Variants in ATP10B observed in about 807,000 individuals in gnomAD.
ATP10B encodes ATPase phospholipid transporting 10B (putative).
A neutral mutation model predicts 141.2 loss-of-function variants in ATP10B; 122 were observed. The ratio of observed to expected loss-of-function variants is 0.86; its 90% CI spans 0.75 to 1.00. The LOEUF is 1.00. Ranked by LOEUF, ATP10B falls within the 50% of genes least tolerant of loss-of-function variation. The probability of loss-of-function intolerance (pLI) is 0.00; values close to 1 mark genes in which losing one functional copy is unlikely to be tolerated. For synonymous variants in ATP10B, 685 were observed against 692.0 expected, an observed-to-expected ratio of 0.99 and a Z score of 0.16; for missense variants, 1,876 against 1,825.3, an observed-to-expected ratio of 1.03 and a Z score of -0.51.
At chr5:160,845,142 C>T (rs1776045150) in intron 1 of ATP10B, among the ~76,000 whole-genome samples, 1 of 152,134 alleles carries the variant, frequency 6.6e-6, no homozygotes. Flanking sequence ...AACTGAACTA[C>T]TATGGGCTAT....
At chr5:160,769,456 A>G (rs1282478945) in intron 2 of ATP10B, among the ~76,000 whole-genome samples, 1 of 152,218 alleles carries the variant, frequency 6.6e-6, no homozygotes, top group East Asian at 1.9e-4. Flanking sequence ...TGCACTGGTA[A>G]TCGCCACATA....
At chr5:160,760,901 C>A (rs1035054288) in intron 2 of ATP10B, among the ~76,000 whole-genome samples, 2 of 148,210 alleles carry the variant, frequency 1.3e-5, no homozygotes, top group Non-Finnish European at 3.0e-5. Flanking sequence ...GACCCACCTA[C>A]CCTCCCCGAA....
chr5:160,888,617 G>C, the ATP10B span, among the ~76,000 whole-genome samples: 1 of 152,172 alleles, frequency 6.6e-6, no homozygotes, highest in African/African-American at 2.4e-5. Context: ...GGAGGCAGAG[G>C]CAAGCAGCAA....
intron 7 of ATP10B, among the ~76,000 whole-genome samples, chr5:160,663,887 A>C (rs1272618671): frequency 6.6e-6 from 1 of 152,220 alleles, no homozygotes. Context: ...AGGGTTTCTT[A>C]ACTGTTCTTG....
intron 1 of ATP10B, among the ~76,000 whole-genome samples, chr5:160,832,300 A>G (rs1438490330): frequency 2.6e-5 from 4 of 152,154 alleles, no homozygotes; most frequent in African/African-American, 9.7e-5. Flanking sequence ...TATGTATTTA[A>G]TAACTAAATG....
the ATP10B span, among the ~76,000 whole-genome samples, chr5:160,876,527 AC>A: frequency 3.4e-5 from 5 of 147,658 alleles, no homozygotes; most frequent in Non-Finnish European, 7.6e-5. Context: ...GCAAGAAATA[AC>A]TAAAATCAGA....
chr5:160,654,740 CCTGTT>C (rs1431004207), intron 7 of ATP10B, among the ~76,000 whole-genome samples: 2 of 152,066 alleles, frequency 1.3e-5, no homozygotes, highest in East Asian at 3.9e-4. Context: ...TTCCTCCTCT[CCTGTT>C]ATTATTATTC....
At chr5:160,929,087 G>A in the ATP10B span, among the ~76,000 whole-genome samples, 2 of 152,170 alleles carry the variant, frequency 1.3e-5, no homozygotes, top group African/African-American at 4.8e-5. Flanking sequence ...GTAGCCCCAG[G>A]ACCCAGAGTA....
At chr5:160,768,637 C>G (rs1041280603) in intron 2 of ATP10B, among the ~76,000 whole-genome samples, 2 of 152,176 alleles carry the variant, frequency 1.3e-5, no homozygotes, top group African/African-American at 2.4e-5. Flanking sequence ...CACAGACATG[C>G]AAGAAATAAG....
intron 24 of ATP10B, among the ~76,000 whole-genome samples, chr5:160,573,208 CCTT>C (rs1351256256): frequency 2.6e-5 from 4 of 152,168 alleles, no homozygotes; most frequent in Non-Finnish European, 5.9e-5. Flanking sequence ...GAGATTTGAT[CCTT>C]CTCTCTTTCA....
the ATP10B span, among the ~76,000 whole-genome samples, chr5:160,873,817 C>T: frequency 1.3e-5 from 2 of 152,254 alleles, no homozygotes; most frequent in Admixed American, 1.3e-4. Context: ...GAATATTGCG[C>T]TTTTCAGACC....
At chr5:160,829,761 A>G (rs1774933088) in intron 1 of ATP10B, among the ~76,000 whole-genome samples, 1 of 152,066 alleles carries the variant, frequency 6.6e-6, no homozygotes, top group Non-Finnish European at 1.5e-5. Context: ...CCTAGATGTT[A>G]TTAATGTATA....
chr5:160,867,028 T>G, the ATP10B span, among the ~76,000 whole-genome samples: 2 of 152,112 alleles, frequency 1.3e-5, no homozygotes, highest in Admixed American at 1.3e-4. Flanking sequence ...AGATCTAGAT[T>G]TATGTCCTAG....
intron 22 of ATP10B, among the ~76,000 whole-genome samples, chr5:160,597,476 T>C (rs1228217314): frequency 5.3e-5 from 8 of 152,204 alleles, no homozygotes; most frequent in Admixed American, 1.3e-4. Flanking sequence ...ATTCAGGACA[T>C]AGTCATGCAC....
chr5:160,785,479 A>C, intron 2 of ATP10B, 80 bp downstream of exon 2: 1 of 387,920 alleles, frequency 2.6e-6, no homozygotes, highest in Non-Finnish European at 5.0e-6. Flanking sequence ...TACATGTGCA[A>C]GTTTATTTCA....
intron 3 of ATP10B, among the ~76,000 whole-genome samples, chr5:160,696,810 A>G (rs1226629581): frequency 1.3e-5 from 2 of 152,224 alleles, no homozygotes; most frequent in African/African-American, 4.8e-5. Flanking sequence ...CATGCACCCA[A>G]GCATTGTAGT....
intron 1 of ATP10B, among the ~76,000 whole-genome samples, chr5:160,809,843 T>A (rs1581573816): frequency 6.6e-6 from 1 of 152,154 alleles, no homozygotes; most frequent in African/African-American, 2.4e-5. Flanking sequence ...ACTGAGAGAT[T>A]TTTTAGCTAT....
upstream of ATP10B, among the ~76,000 whole-genome samples, chr5:160,854,920 G>A (rs1411453283): frequency 2.0e-5 from 3 of 152,056 alleles, no homozygotes; most frequent in African/African-American, 7.2e-5. Context: ...GTAGGAAAAG[G>A]AATAAAATAA....
rs1757797832 is a variant in ATP10B at position 160,612,884 on chromosome 5, C to T, written c.2695G>A (p.Asp899Asn). The part of the protein sequence containing the change: ...IEDRLQEGVP[D>N]TIATLREAGI... ...GCCTCCCGCAGAGTGGCAATCGTAT[C>T]TGGAACTCCTTCCTGCAGCCGGTCT... The change falls in exon 18 of 26, where the codon GAT (aspartate) becomes AAT (asparagine). Residue 899 changes from aspartate (D) to asparagine (N), a missense_variant. Physicochemically the swap from Asp to Asn is conservative, Grantham distance 23. Coordinates refer to ENST00000327245, the MANE Select transcript of ATP10B (RefSeq NM_025153.3). 2 of 1,613,932 alleles carry T rather than the reference C, an allele frequency of 1.2e-6. No homozygotes were observed. The highest frequency in any genetic ancestry group is 4.5e-5 in the East Asian group (2 of 44,874).
Sources: gnomAD v4.1 joint callset for allele counts (sites outside exome capture counted in the v4.1 genomes callset) on GRCh38, gnomAD v4.1.1 for gene constraint, MANE v1.5 for transcripts, NCBI Gene and HGNC (gene_info 2026-07-23, HGNC 2026-07-21) for gene names.